The following ADAMTSL1 variants were observed in gnomAD, a reference collection of about 807,000 sequenced individuals.
ADAMTSL1 encodes the protein ADAMTS-like protein 1.
In ADAMTSL1, 126 loss-of-function variants were observed where a neutral mutation model predicts 201.8. The observed-to-expected ratio is 0.62, with a 90% CI of 0.54 to 0.72. The LOEUF is 0.72. ADAMTSL1 is among the 30% of genes least tolerant of loss of function. ADAMTSL1 has a pLI of 0.00. For synonymous variants in ADAMTSL1, 1,121 were observed against 903.4 expected (o/e 1.24, Z -4.32); for missense variants, 2,679 against 2,277.8 (o/e 1.18, Z -3.59).
rs536438044 is a variant in ADAMTSL1, at chr9:18,332,089, T to C, written c.207+168108T>C. Among the ~76,000 whole-genome samples the C allele has an allele frequency of 1.5e-4, 23 of 152,244 alleles. No homozygotes were observed. In the East Asian group the frequency reaches 2.7e-3, roughly 18 times the overall value. Reference sequence around the variant, plus strand: ...AGGTTTTGGAAGTGTTTGGCAGCTGTAGTAAATTCAGGAGCTGGAGGCAAG... The same window carrying C: ...AGGTTTTGGAAGTGTTTGGCAGCTGCAGTAAATTCAGGAGCTGGAGGCAAG... On this transcript the variant is annotated intron_variant, in intron 2 of 29. Coordinates refer to the ADAMTSL1 transcript ENST00000680146.
intron 2 of ADAMTSL1, among the ~76,000 whole-genome samples, chr9:18,328,955 A>G (rs919021972): frequency 6.6e-6 from 1 of 152,090 alleles, no homozygotes; most frequent in Non-Finnish European, 1.5e-5. Flanking sequence ...TGATTGTCCA[A>G]TCAAAGCTTT....
chr9:17,927,665 A>G (rs1017388813), intron 1 of ADAMTSL1, among the ~76,000 whole-genome samples: 1 of 152,120 alleles, frequency 6.6e-6, no homozygotes, highest in African/African-American at 2.4e-5. Flanking sequence ...GTATAACAAC[A>G]TATTTACATA....
At chr9:17,960,724 C>T (rs1223559079) in intron 1 of ADAMTSL1, among the ~76,000 whole-genome samples, 2 of 152,156 alleles carry the variant, frequency 1.3e-5, no homozygotes, top group South Asian at 2.1e-4. Context: ...GTCTTTTTAA[C>T]ATCTCGGTCT....
At chr9:18,400,522 C>A (rs1817946430) in intron 2 of ADAMTSL1, among the ~76,000 whole-genome samples, 1 of 152,098 alleles carries the variant, frequency 6.6e-6, no homozygotes, top group African/African-American at 2.4e-5. Context: ...ATGTTTGTGC[C>A]TACAAACTCA....
Position 18,185,954 on chromosome 9 carries a change from G to T in ADAMTSL1, c.207+21973G>T, listed in dbSNP as rs1188138980. Among the ~76,000 whole-genome samples the T allele has an allele frequency of 2.0e-5, 3 of 152,174 alleles. No individual in the cohort carries two copies. In the East Asian group the frequency reaches 5.8e-4, roughly 29 times the overall value. On this transcript the variant is annotated intron_variant, in intron 2 of 29. Transcript: ENST00000680146. ...TTTAAAATTTACTCTAGGATTAAAT[G>T]AAGGCATCATAAAATAAGTATTTAT...
intron 21 of ADAMTSL1, among the ~76,000 whole-genome samples, chr9:18,822,312 G>A (rs1824259771): frequency 6.6e-6 from 1 of 152,114 alleles, no homozygotes; most frequent in South Asian, 2.1e-4. Context: ...GAGCTAAAAA[G>A]CCAGAACACA....
At chr9:18,370,785 G>A (rs894332333) in intron 2 of ADAMTSL1, among the ~76,000 whole-genome samples, 1 of 150,200 alleles carries the variant, frequency 6.7e-6, no homozygotes, top group East Asian at 2.0e-4. Flanking sequence ...CTAACTAATT[G>A]GATGTAGATG....
At chr9:18,547,032 CAAG>C (rs1209271242) in intron 3 of ADAMTSL1, among the ~76,000 whole-genome samples, 1 of 152,072 alleles carries the variant, frequency 6.6e-6, no homozygotes, top group African/African-American at 2.4e-5. Flanking sequence ...TTCTAATTGC[CAAG>C]AAGATGTTTC....
chr9:18,340,415 T>A (rs190504195), intron 2 of ADAMTSL1, among the ~76,000 whole-genome samples: 35 of 152,274 alleles, frequency 2.3e-4, no homozygotes, highest in African/African-American at 8.2e-4. Flanking sequence ...ACTCTTAATA[T>A]CTCCCAGTTC....
chr9:18,900,634 T>C (rs1376771700), intron 26 of ADAMTSL1, among the ~76,000 whole-genome samples: 1 of 152,160 alleles, frequency 6.6e-6, no homozygotes, highest in African/African-American at 2.4e-5. Flanking sequence ...AGGACATGGA[T>C]AGAGCTGAAA....
At chr9:18,128,025 T>A (rs1283878765) in intron 1 of ADAMTSL1, among the ~76,000 whole-genome samples, 4 of 152,160 alleles carry the variant, frequency 2.6e-5, no homozygotes, top group African/African-American at 9.7e-5. Flanking sequence ...GATAACAGAT[T>A]GCCTGTTGGT....
At chr9:18,127,202 A>G (rs1825765781) in intron 1 of ADAMTSL1, among the ~76,000 whole-genome samples, 1 of 152,112 alleles carries the variant, frequency 6.6e-6, no homozygotes, top group African/African-American at 2.4e-5. Flanking sequence ...ACCTGAAGAG[A>G]AGCCTGTGCT....
At chr9:18,636,413 T>G (rs560887028) in intron 6 of ADAMTSL1, among the ~76,000 whole-genome samples, 1 of 152,292 alleles carries the variant, frequency 6.6e-6, no homozygotes, top group South Asian at 2.1e-4. Flanking sequence ...TTTTTCTACC[T>G]ACTTTCATGT....
chr9:18,026,195 T>C (rs920185479), intron 1 of ADAMTSL1, among the ~76,000 whole-genome samples: 1 of 152,068 alleles, frequency 6.6e-6, no homozygotes, highest in Middle Eastern at 3.2e-3. Flanking sequence ...GGATGTCTTT[T>C]ATTTCTTTCT....
chr9:18,524,824 G>A (rs1203884593), intron 2 of ADAMTSL1, among the ~76,000 whole-genome samples: 2 of 152,188 alleles, frequency 1.3e-5, no homozygotes, highest in Non-Finnish European at 2.9e-5. Flanking sequence ...TTTTTGATGT[G>A]CTGCTGGATT....
chr9:18,499,389 G>A (rs143073584), intron 1 of ADAMTSL1, among the ~76,000 whole-genome samples: 293 of 152,288 alleles, frequency 1.9e-3, no homozygotes, highest in Admixed American at 3.7e-3. Flanking sequence ...TACAGTTGGC[G>A]GCAGAACCAG....
intron 14 of ADAMTSL1, among the ~76,000 whole-genome samples, chr9:18,714,147 C>G (rs1316473977): frequency 2.6e-5 from 4 of 152,052 alleles, no homozygotes; most frequent in East Asian, 3.9e-4. Context: ...AGAGAAAGCA[C>G]AAAAGATCCA....
intron 23 of ADAMTSL1, among the ~76,000 whole-genome samples, chr9:18,834,538 C>T (rs1005983987): frequency 2.6e-5 from 4 of 152,144 alleles, no homozygotes; most frequent in African/African-American, 9.6e-5. Flanking sequence ...ATGTATACAC[C>T]TGTGAAATCA....
At chr9:18,522,005 CAGTG>C (rs1159212619) in intron 2 of ADAMTSL1, among the ~76,000 whole-genome samples, 1 of 152,276 alleles carries the variant, frequency 6.6e-6, no homozygotes, top group African/African-American at 2.4e-5. Flanking sequence ...CAGATGAAGA[CAGTG>C]AGCATCTGAG....
Sources: gnomAD v4.1 joint callset for allele counts (sites outside exome capture counted in the v4.1 genomes callset) on GRCh38, gnomAD v4.1.1 for gene constraint, MANE v1.5 for transcripts, NCBI Gene and HGNC (gene_info 2026-07-23, HGNC 2026-07-21) for gene names.